GPM6A: variants seen among roughly 807,000 people sequenced by gnomAD.
GPM6A encodes neuronal membrane glycoprotein M6-a.
In GPM6A, 7 loss-of-function variants were observed where a neutral mutation model predicts 32.1. The ratio of observed to expected loss-of-function variants is 0.22; its 90% CI spans 0.12 to 0.41. The LOEUF (loss-of-function observed/expected upper bound fraction) is 0.41. GPM6A is among the 10% of genes least tolerant of loss of function. The pLI is 1.00. For missense variants in GPM6A, 235 were observed against 347.2 expected (o/e 0.68, Z 2.57); for synonymous variants, 130 against 123.4 (o/e 1.05, Z -0.35).
intron 1 of GPM6A, among the ~76,000 whole-genome samples, chr4:175,879,525 A>T: frequency 6.6e-6 from 1 of 152,180 alleles, no homozygotes; most frequent in East Asian, 1.9e-4. Flanking sequence ...AGCACCTCAT[A>T]AAAGTATCAG....
chr4:175,728,193 CAT>C (rs1731265648), intron 1 of GPM6A, among the ~76,000 whole-genome samples: 1 of 151,866 alleles, frequency 6.6e-6, no homozygotes, highest in Non-Finnish European at 1.5e-5. Flanking sequence ...GAGAATGAAA[CAT>C]AAATATTTTG....
intron 1 of GPM6A, among the ~76,000 whole-genome samples, chr4:175,948,064 C>A (rs1473857864): frequency 6.6e-6 from 1 of 152,104 alleles, no homozygotes; most frequent in Non-Finnish European, 1.5e-5. Context: ...CCAAACACAT[C>A]CCATTTCAGA....
At chr4:175,796,760 CATT>C (rs1378615121) in intron 1 of GPM6A, among the ~76,000 whole-genome samples, 2 of 152,100 alleles carry the variant, frequency 1.3e-5, no homozygotes, top group East Asian at 3.8e-4. Context: ...TATGGGAACT[CATT>C]ATATATTCAT....
At chr4:175,686,091 A>G (rs1463494808) in intron 2 of GPM6A, among the ~76,000 whole-genome samples, 1 of 152,222 alleles carries the variant, frequency 6.6e-6, no homozygotes, top group Non-Finnish European at 1.5e-5. Flanking sequence ...TGCCTCCAGT[A>G]AAACTACACA....
At chr4:175,639,498 T>A (rs186582439) in intron 6 of GPM6A, among the ~76,000 whole-genome samples, 4 of 152,236 alleles carry the variant, frequency 2.6e-5, no homozygotes, top group African/African-American at 9.6e-5. Context: ...CAAAAGCTAT[T>A]ACTGACACTC....
At chr4:175,921,686 G>A (rs1211537580) in intron 1 of GPM6A, among the ~76,000 whole-genome samples, 2 of 152,130 alleles carry the variant, frequency 1.3e-5, no homozygotes, top group Non-Finnish European at 2.9e-5. Context: ...CAAGAATAGA[G>A]TGAGATGTAT....
At chr4:175,771,156 GTT>G (rs149702882) in intron 1 of GPM6A, among the ~76,000 whole-genome samples, 5 of 151,638 alleles carry the variant, frequency 3.3e-5, no homozygotes, top group Admixed American at 1.3e-4. Context: ...CTGCTTCCTT[GTT>G]TTTTTGCCCA....
intron 1 of GPM6A, among the ~76,000 whole-genome samples, chr4:175,736,384 T>G (rs958614411): frequency 1.3e-5 from 2 of 152,188 alleles, no homozygotes; most frequent in Admixed American, 6.5e-5. Context: ...TAAACTAACA[T>G]AGAGTCTTCA....
At chr4:175,801,236 G>A (rs1323161749) in intron 1 of GPM6A, among the ~76,000 whole-genome samples, 1 of 152,064 alleles carries the variant, frequency 6.6e-6, no homozygotes, top group Non-Finnish European at 1.5e-5. Context: ...ATAATATGCA[G>A]ATCCTAATTA....
chr4:175,936,916 T>C (rs901781332), intron 1 of GPM6A, among the ~76,000 whole-genome samples: 2 of 152,000 alleles, frequency 1.3e-5, no homozygotes, highest in Non-Finnish European at 2.9e-5. Flanking sequence ...AATAAAAATG[T>C]CCAGTAATAT....
intron 1 of GPM6A, among the ~76,000 whole-genome samples, chr4:175,880,753 T>C (rs1737247291): frequency 6.6e-6 from 1 of 152,192 alleles, no homozygotes; most frequent in Admixed American, 6.5e-5. Context: ...CTGAGACTGC[T>C]GAAGTTGCTT....
chr4:175,688,805 TATAC>T (rs1166197705), intron 2 of GPM6A, among the ~76,000 whole-genome samples: 1 of 152,172 alleles, frequency 6.6e-6, no homozygotes, highest in African/African-American at 2.4e-5. Flanking sequence ...TACATACATA[TATAC>T]ATACATATCA....
chr4:175,737,104 T>C (rs951981024), intron 1 of GPM6A, among the ~76,000 whole-genome samples: 4 of 152,238 alleles, frequency 2.6e-5, no homozygotes, highest in African/African-American at 9.6e-5. Flanking sequence ...AGAATTCACT[T>C]GGGCACCCAC....
intron 1 of GPM6A, among the ~76,000 whole-genome samples, chr4:175,842,500 C>A (rs376257432): frequency 1.3e-5 from 2 of 152,008 alleles, no homozygotes; most frequent in East Asian, 1.9e-4. Flanking sequence ...AGGCGGGAGA[C>A]GTGCTTGAGT....
intron 1 of GPM6A, among the ~76,000 whole-genome samples, chr4:175,726,777 C>A (rs12644467): frequency 0.22 from 32,722 of 152,130 alleles, 3,755 homozygotes; most frequent in Non-Finnish European, 0.25. Context: ...AGGAGGATCA[C>A]TAGTGGTCAG....
At chr4:175,811,201 T>C (rs999488789) in intron 1 of GPM6A, among the ~76,000 whole-genome samples, 4 of 152,156 alleles carry the variant, frequency 2.6e-5, no homozygotes, top group Admixed American at 1.3e-4. Flanking sequence ...AAATACAGTT[T>C]TTTACGATAA....
intron 1 of GPM6A, among the ~76,000 whole-genome samples, chr4:175,704,553 T>C (rs1171640709): frequency 4.6e-5 from 7 of 152,180 alleles, no homozygotes; most frequent in African/African-American, 9.7e-5. Context: ...CTTGATGTTC[T>C]ACAATTTCCA....
chr4:175,990,101 AT>A (rs759758106), intron 1 of GPM6A, among the ~76,000 whole-genome samples: 17 of 152,176 alleles, frequency 1.1e-4, no homozygotes, highest in Non-Finnish European at 2.1e-4. Context: ...AATACTTTTC[AT>A]TTGTTTGTGC....
At chr4:175,921,426 T>C (rs1738661161) in intron 1 of GPM6A, among the ~76,000 whole-genome samples, 1 of 152,142 alleles carries the variant, frequency 6.6e-6, no homozygotes, top group Non-Finnish European at 1.5e-5. Context: ...TTTGTTCATA[T>C]ATGGATAGAG....
Sources: gnomAD v4.1 joint callset for allele counts (sites outside exome capture counted in the v4.1 genomes callset) on GRCh38, gnomAD v4.1.1 for gene constraint, MANE v1.5 for transcripts, NCBI Gene and HGNC (gene_info 2026-07-23, HGNC 2026-07-21) for gene names.